Variants in KIAA2012 observed in about 807,000 individuals in gnomAD.
KIAA2012 encodes KIAA2012, also known as uncharacterized protein KIAA2012.
A neutral mutation model predicts 150.6 loss-of-function variants in KIAA2012; 125 were observed. The observed-to-expected ratio is 0.83, with a 90% CI of 0.72 to 0.96. The LOEUF (loss-of-function observed/expected upper bound fraction) is 0.96. Ranked by LOEUF, KIAA2012 falls within the 40% of genes least tolerant of loss-of-function variation. The pLI, the probability that KIAA2012 is intolerant of heterozygous loss-of-function variation, is 0.00. For synonymous variants in KIAA2012, 462 were observed against 504.7 expected (o/e 0.92, Z 1.13); for missense variants, 1,219 against 1,354.9 (o/e 0.90, Z 1.57).
At position 202,124,797 on chromosome 2, in the gene KIAA2012, C is replaced by T. The variant is rs552225529; in HGVS notation, c.1763-417C>T. Among the ~76,000 whole-genome samples the T allele has an allele frequency of 5.9e-5, 9 of 152,208 alleles. No homozygotes were observed. In the South Asian group the frequency reaches 8.3e-4, roughly 14 times the overall value. ...AAAAACATCCAATTCAAGGCCGGTG[C>T]GGTGGCTCACGCCTGTAATCCCAGC... On this transcript the variant is annotated intron_variant, in intron 11 of 23. Coordinates refer to ENST00000498697, the MANE Select transcript of KIAA2012 (RefSeq NM_001277372.4).
At chr2:202,081,918 C>T (rs751880215) in intron 2 of KIAA2012, among the ~76,000 whole-genome samples, 2 of 152,108 alleles carry the variant, frequency 1.3e-5, no homozygotes, top group Non-Finnish European at 2.9e-5. Context: ...TGTTCACATG[C>T]ATGTGTGAAT....
At position 202,163,781 on chromosome 2, in the gene KIAA2012, A is replaced by ATTT. The variant is rs902559663; in HGVS notation, c.2047-1478_2047-1476dup. 3.3e-4 allele frequency among the ~76,000 whole-genome samples: 35 copies of ATTT among 106,376 alleles called. 1 individual carries two copies. The highest frequency in any genetic ancestry group is 8.1e-4 in the East Asian group (3 of 3,682). 69.8% of individuals were successfully genotyped at this position (106,376 alleles called of 152,430 possible). On this transcript the variant is annotated intron_variant, in intron 14 of 23. Transcript: ENST00000498697. ...TTACTCCTTTCCATTTATTCAGGGA[A>ATTT]TTTTTTTTTTTTTTTTTTTTTTTTT...
chr2:202,182,108 C>CTTTTTTTTTTTTTTTTTTTTTTTTATTT (rs754494077), intron 15 of KIAA2012, among the ~76,000 whole-genome samples: 1 of 104,122 alleles, frequency 9.6e-6, no homozygotes, highest in African/African-American at 3.7e-5. Context: ...TTTCTTTATT[C>CTTTTTTTTTTTTTTTTTTTTTTTTATTT]TTTTTTTTTT....
rs751904386 is a variant in KIAA2012 at position 202,073,701 on chromosome 2, T to A, written c.74T>A (p.Phe25Tyr). 3 of 1,550,386 alleles carry A rather than the reference T, an allele frequency of 1.9e-6. No individual in the cohort carries two copies. The South Asian group carries it at 3.6e-5, about 18-fold the overall frequency. ...GQDKQKLEVY[F>Y]EPEDYLNWRS... is the part of the protein sequence containing the mutation. ...GACAAACAGAAGTTAGAAGTCTACT[T>A]TGAACCAGAGGTGAGTCCCACAGCT... The change falls in exon 1 of 24, where the codon TTT becomes TAT. Residue 25 changes from phenylalanine to tyrosine, a missense_variant. Physicochemically the swap from Phe to Tyr is conservative, Grantham distance 22 (BLOSUM62 3). Transcript: ENST00000498697.
At chr2:202,129,028 C>T (rs953743369) in intron 12 of KIAA2012, among the ~76,000 whole-genome samples, 4 of 151,912 alleles carry the variant, frequency 2.6e-5, no homozygotes, top group Non-Finnish European at 5.9e-5. Context: ...CTCCTGCCAG[C>T]GGCAGGGTCG....
intron 15 of KIAA2012, among the ~76,000 whole-genome samples, chr2:202,166,052 A>C (rs1337076076): frequency 6.6e-6 from 1 of 152,212 alleles, no homozygotes; most frequent in Non-Finnish European, 1.5e-5. Flanking sequence ...GCAGAATGTG[A>C]ACACTGACAG....
chr2:202,161,023 A>C (rs1267676379), intron 14 of KIAA2012, among the ~76,000 whole-genome samples: 2 of 152,154 alleles, frequency 1.3e-5, no homozygotes, highest in Admixed American at 6.5e-5. Flanking sequence ...TGTGCATGAG[A>C]GTGGAGGGCA....
chr2:202,126,087 C>T (rs566694265), intron 12 of KIAA2012, among the ~76,000 whole-genome samples: 173 of 151,628 alleles, frequency 1.1e-3, no homozygotes, highest in Non-Finnish European at 2.1e-3. Context: ...CCTGAGTAGG[C>T]GGGATTACAG....
Position 202,188,095 on chromosome 2 carries a change from G to A in KIAA2012, c.2377-57G>A, listed in dbSNP as rs536387364. Reference sequence around the variant, plus strand: ...CTTGTTCAACATAATCTTCTTTGATGGATTTTTTCATTTCCTATACATATT... The same window carrying A: ...CTTGTTCAACATAATCTTCTTTGATAGATTTTTTCATTTCCTATACATATT... On this transcript the variant is annotated intron_variant, in intron 17 of 23. Transcript: ENST00000498697. The A allele has an allele frequency of 1.7e-5, 24 of 1,382,592 alleles. No individual in the cohort carries two copies. In the South Asian group the frequency reaches 3.0e-4, roughly 17 times the overall value. 85.6% of individuals were successfully genotyped at this position (1,382,592 alleles called of 1,614,324 possible).
chr2:202,091,236 C>T (rs1292882325), intron 3 of KIAA2012, among the ~76,000 whole-genome samples: 1 of 152,228 alleles, frequency 6.6e-6, no homozygotes, highest in Non-Finnish European at 1.5e-5. Context: ...CAGAGACCCT[C>T]CAGTTCAACA....
chr2:202,188,980 C>T (rs567646319), intron 18 of KIAA2012, among the ~76,000 whole-genome samples: 1 of 152,300 alleles, frequency 6.6e-6, no homozygotes, highest in South Asian at 2.1e-4. Context: ...TCCAGTGCTG[C>T]TAGAAAGGAC....
At chr2:202,168,205 G>C (rs1375057587) in intron 15 of KIAA2012, among the ~76,000 whole-genome samples, 3 of 152,022 alleles carry the variant, frequency 2.0e-5, no homozygotes, top group African/African-American at 7.2e-5. Context: ...TGGATCACAA[G>C]GTCAAGAGAT....
intron 2 of KIAA2012, among the ~76,000 whole-genome samples, chr2:202,079,381 AGTAATAG>A (rs748762281): frequency 5.3e-5 from 8 of 152,222 alleles, no homozygotes; most frequent in Non-Finnish European, 1.0e-4. Context: ...AAAGGGGTAG[AGTAATAG>A]TGCTGCTCAC....
chr2:202,106,153 C>G, intron 9 of KIAA2012: 2 of 1,127,114 alleles, frequency 1.8e-6, no homozygotes, highest in Non-Finnish European at 2.5e-6. Context: ...AATATTTTAA[C>G]AGTGTCCAGC....
chr2:202,140,254 A>G (rs756280270), intron 13 of KIAA2012, among the ~76,000 whole-genome samples: 17 of 152,198 alleles, frequency 1.1e-4, no homozygotes, highest in Non-Finnish European at 1.6e-4. Context: ...GGGCTCAACC[A>G]TGTCACATTA....
chr2:202,149,032 G>A (rs1023336291), intron 13 of KIAA2012, among the ~76,000 whole-genome samples: 7 of 152,150 alleles, frequency 4.6e-5, no homozygotes, highest in Non-Finnish European at 1.0e-4. Flanking sequence ...GGCCAAACAC[G>A]GGGAAAGTTG....
chr2:202,181,395 A>T (rs1692118401), intron 15 of KIAA2012, among the ~76,000 whole-genome samples: 1 of 152,154 alleles, frequency 6.6e-6, no homozygotes, highest in Admixed American at 6.6e-5. Flanking sequence ...GAGCAACATG[A>T]CAAGACCCTG....
At chr2:202,138,562 C>A in intron 13 of KIAA2012, 54 bp downstream of exon 13, 2 of 1,336,680 alleles carry the variant, frequency 1.5e-6, no homozygotes, top group Non-Finnish European at 2.1e-6. Context: ...CTCTTGGGTT[C>A]TTGTTTCAGC....
At chr2:202,090,740 T>C in intron 2 of KIAA2012, 30 bp from the exon 3 acceptor site, 1 of 1,532,126 alleles carries the variant, frequency 6.5e-7, no homozygotes, top group African/African-American at 1.4e-5. Context: ...GGTCAGCAGC[T>C]GTGCTGTTTC....
Sources: allele counts gnomAD v4.1 joint callset (sites outside exome capture counted in the v4.1 genomes callset), GRCh38; gene constraint gnomAD v4.1.1; transcripts MANE v1.5; gene names NCBI Gene and HGNC (gene_info 2026-07-23, HGNC 2026-07-21).